FYN: variants seen among roughly 807,000 people sequenced by gnomAD.
FYN encodes FYN proto-oncogene, Src family tyrosine kinase, also known as tyrosine-protein kinase Fyn.
FYN carries 10 observed loss-of-function variants against 70.2 expected under a neutral mutation model. The observed-to-expected ratio is 0.14, with a 90% CI of 0.09 to 0.24. The LOEUF is 0.24. FYN is among the 10% of genes least tolerant of loss of function. The pLI, the probability that FYN is intolerant of heterozygous loss-of-function variation, is 1.00. For synonymous variants in FYN, 236 were observed against 248.6 expected (o/e 0.95, Z 0.48); for missense variants, 319 against 673.1 (o/e 0.47, Z 5.82).
chr6:111,856,369 A>T (rs2114506333), intron 1 of FYN, among the ~76,000 whole-genome samples: 1 of 152,354 alleles, frequency 6.6e-6, no homozygotes, highest in African/African-American at 2.4e-5. Context: ...AACTTTGAAG[A>T]GATTGGAGGC....
At chr6:111,799,670 C>G (rs991384127) in intron 2 of FYN, among the ~76,000 whole-genome samples, 1 of 152,222 alleles carries the variant, frequency 6.6e-6, no homozygotes, top group Non-Finnish European at 1.5e-5. Flanking sequence ...TAAAATCCCC[C>G]TACCCCTCAG....
intron 2 of FYN, among the ~76,000 whole-genome samples, chr6:111,784,931 T>C (rs1275211090): frequency 6.6e-6 from 1 of 152,200 alleles, no homozygotes; most frequent in Non-Finnish European, 1.5e-5. Context: ...TACAAAATCA[T>C]ACGTGGCTTT....
intron 3 of FYN, among the ~76,000 whole-genome samples, chr6:111,742,350 G>A (rs1183233979): frequency 2.6e-5 from 4 of 152,126 alleles, no homozygotes; most frequent in Admixed American, 2.6e-4. Flanking sequence ...ATCTTCCAGT[G>A]TAGAAAAAAA....
intron 3 of FYN, among the ~76,000 whole-genome samples, chr6:111,760,228 AC>A (rs1362772727): frequency 2.0e-5 from 3 of 152,136 alleles, no homozygotes; most frequent in Admixed American, 6.5e-5. Context: ...GCCTGACAAA[AC>A]CCAAATGGAA....
At chr6:111,842,016 T>C (rs1400881240) in intron 2 of FYN, among the ~76,000 whole-genome samples, 1 of 151,534 alleles carries the variant, frequency 6.6e-6, no homozygotes, top group East Asian at 1.9e-4. Context: ...CACACACCCA[T>C]GCATGCATTC....
At chr6:111,871,514 C>T (rs1032598506) in intron 1 of FYN, among the ~76,000 whole-genome samples, 1 of 152,230 alleles carries the variant, frequency 6.6e-6, no homozygotes, top group Non-Finnish European at 1.5e-5. Context: ...GTTTTATCCA[C>T]GTCCCCAGGT....
chr6:111,792,112 T>C (rs1211727904), intron 2 of FYN, among the ~76,000 whole-genome samples: 1 of 152,150 alleles, frequency 6.6e-6, no homozygotes, highest in Non-Finnish European at 1.5e-5. Flanking sequence ...GTGGAGAACA[T>C]AATTGCAATA....
chr6:111,785,767 C>T (rs186739650), intron 2 of FYN, among the ~76,000 whole-genome samples: 51 of 151,094 alleles, frequency 3.4e-4, no homozygotes, highest in Non-Finnish European at 4.9e-4. Context: ...TGTGCCGCAC[C>T]CATTAACTCG....
In FYN at chr6:111,791,804, A is replaced by G. The variant is rs541388501; in HGVS notation, c.-81-11169T>C. ...CACCCATTTTGTGGCACATTGTTAT[A>G]ATAGCCTAGGAAATGAATACAATGG... On this transcript the variant is annotated intron_variant, in intron 2 of 13. Coordinates refer to ENST00000354650, the MANE Select transcript of FYN (RefSeq NM_002037.5). 3.1e-4 allele frequency among the ~76,000 whole-genome samples: 47 copies of G among 152,362 alleles called. No individual in the cohort carries two copies. In the South Asian group the frequency reaches 3.3e-3, roughly 11 times the overall value.
At chr6:111,862,964 T>C (rs1345834058) in intron 1 of FYN, among the ~76,000 whole-genome samples, 1 of 152,214 alleles carries the variant, frequency 6.6e-6, no homozygotes, top group Non-Finnish European at 1.5e-5. Context: ...GGCTTCTGGC[T>C]AACCAAGCAT....
intron 2 of FYN, among the ~76,000 whole-genome samples, chr6:111,807,875 C>T (rs1772199854): frequency 6.6e-6 from 1 of 151,994 alleles, no homozygotes; most frequent in Admixed American, 6.6e-5. Flanking sequence ...TTTGGGAGGC[C>T]GAGGTGGGCA....
chr6:111,673,872 T>A (rs1160968023), intron 13 of FYN, among the ~76,000 whole-genome samples: 1 of 152,196 alleles, frequency 6.6e-6, no homozygotes, highest in Non-Finnish European at 1.5e-5. Context: ...AGAGCATAAA[T>A]CTGATAATAC....
intron 5 of FYN, 140 bp downstream of exon 5, chr6:111,714,207 C>T: frequency 4.8e-6 from 3 of 618,722 alleles, no homozygotes; most frequent in Middle Eastern, 2.6e-4. Context: ...TTCTTTTTCT[C>T]AAAGTATATT....
At chr6:111,668,768 T>A (rs770130714) in intron 13 of FYN, among the ~76,000 whole-genome samples, 1 of 152,074 alleles carries the variant, frequency 6.6e-6, no homozygotes, top group Non-Finnish European at 1.5e-5. Context: ...TGAGGGGACA[T>A]CATGAGCTGC....
At chr6:111,679,526 G>C (rs1159529488) in intron 12 of FYN, among the ~76,000 whole-genome samples, 1 of 152,140 alleles carries the variant, frequency 6.6e-6, no homozygotes, top group Non-Finnish European at 1.5e-5. Context: ...AACAGGTGCT[G>C]AATGAATGAA....
At chr6:111,762,452 T>C (rs72942153) in intron 3 of FYN, among the ~76,000 whole-genome samples, 3,476 of 152,222 alleles carry the variant, frequency 0.023, 74 homozygotes, top group African/African-American at 0.05. Context: ...AGATATGCCT[T>C]GTTATACCCT....
chr6:111,706,426 T>C (rs1182275771), intron 6 of FYN, among the ~76,000 whole-genome samples: 2 of 152,248 alleles, frequency 1.3e-5, no homozygotes, highest in East Asian at 3.8e-4. Flanking sequence ...AAAAGAGACA[T>C]TGCGTATTAG....
intron 3 of FYN, among the ~76,000 whole-genome samples, chr6:111,758,441 T>C (rs917448983): frequency 1.3e-4 from 20 of 152,208 alleles, no homozygotes; most frequent in African/African-American, 4.8e-4. Flanking sequence ...ACTAGGGGTG[T>C]ATATTAATGT....
At chr6:111,864,561 G>GAT (rs1562550280) in intron 1 of FYN, among the ~76,000 whole-genome samples, 6 of 151,548 alleles carry the variant, frequency 4.0e-5, no homozygotes, top group African/African-American at 1.5e-4. Flanking sequence ...GCTATGATGA[G>GAT]GATGATGATG....
Sources: gnomAD v4.1 joint callset for allele counts (sites outside exome capture counted in the v4.1 genomes callset) on GRCh38, gnomAD v4.1.1 for gene constraint, MANE v1.5 for transcripts, NCBI Gene and HGNC (gene_info 2026-07-23, HGNC 2026-07-21) for gene names.